The following NAV3 variants were observed in gnomAD, a reference collection of about 807,000 sequenced individuals.
NAV3 encodes neuron navigator 3, also known as pore membrane and/or filament interacting like protein 1.
Under a neutral mutation model 244.7 loss-of-function variants are expected in NAV3, and 87 were observed. That is an observed-to-expected ratio of 0.36 (90% CI 0.30 to 0.42). The LOEUF (loss-of-function observed/expected upper bound fraction) is 0.42, where lower values mean the gene tolerates loss of function less well. Ranked by LOEUF, NAV3 falls within the 20% of genes least tolerant of loss-of-function variation. The pLI is 1.00. For missense variants in NAV3, 2,663 were observed against 2,893.3 expected (o/e 0.92, Z 1.83); for synonymous variants, 1,126 against 1,042.2 (o/e 1.08, Z -1.55).
intron 1 of NAV3, among the ~76,000 whole-genome samples, chr12:77,873,014 T>A (rs1731709): frequency 0.15 from 22,617 of 152,226 alleles, 1,863 homozygotes; most frequent in African/African-American, 0.22. Flanking sequence ...GATTTTCCCA[T>A]GCTATTCTCA....
Position 77,824,241 on chromosome 12 carries a change from A to T in NAV3, c.73-116078A>T, listed in dbSNP as rs968653659. ...GGCGCATGCCACCACGCCCAACTAA[A>T]TTTTTTTTTTTTTTTTTTTTTTTGT... On this transcript the variant is annotated intron_variant, in intron 2 of 8. Coordinates refer to the NAV3 transcript ENST00000550042. Among the ~76,000 whole-genome samples, 125 of 104,926 alleles carry T rather than the reference A, an allele frequency of 1.2e-3. 1 individual carries two copies. The highest frequency in any genetic ancestry group is 4.6e-3 in the African/African-American group (120 of 26,178). The allele number at this position is 104,926 out of a possible 152,430, so 68.8% of individuals were successfully genotyped here.
intron 3 of NAV3, among the ~76,000 whole-genome samples, chr12:77,958,915 T>C (rs761813188): frequency 5.9e-5 from 9 of 152,188 alleles, no homozygotes; most frequent in Non-Finnish European, 1.3e-4. Flanking sequence ...GACTGTTACC[T>C]GAGCCAAATG....
At chr12:78,000,050 T>G (rs987349025) in intron 7 of NAV3, among the ~76,000 whole-genome samples, 1 of 152,252 alleles carries the variant, frequency 6.6e-6, no homozygotes, top group Admixed American at 6.5e-5. Flanking sequence ...ATATCTTAAT[T>G]TATCTGAATT....
chr12:78,007,833 G>A (rs567208831), intron 8 of NAV3, among the ~76,000 whole-genome samples: 1 of 152,096 alleles, frequency 6.6e-6, no homozygotes, highest in Non-Finnish European at 1.5e-5. Context: ...GGTTATTTTT[G>A]TTGTCATCTT....
intron 2 of NAV3, among the ~76,000 whole-genome samples, chr12:77,810,458 A>G (rs1438185202): frequency 6.6e-6 from 1 of 152,246 alleles, no homozygotes; most frequent in East Asian, 1.9e-4. Flanking sequence ...GTCGTGAGCC[A>G]CAGCGCCTGA....
chr12:77,986,946 C>G (rs1870621099), intron 5 of NAV3, among the ~76,000 whole-genome samples: 1 of 152,078 alleles, frequency 6.6e-6, no homozygotes, highest in Admixed American at 6.5e-5. Context: ...TTATGTTCCA[C>G]ATTTATTAGC....
rs569185614 is a variant in NAV3, at chr12:77,888,799, T to C, written c.244-51520T>C. Among the ~76,000 whole-genome samples, 62 of 152,282 alleles carry C rather than the reference T, an allele frequency of 4.1e-4. 1 individual carries two copies. The South Asian group carries it at 5.6e-3, about 14-fold the overall frequency. ...AATGTTCTAAGTCTTCAAATGTTTT[T>C]ATCTTTGTTTTCTCAGAGAGGTGAG... On this transcript the variant is annotated intron_variant, in intron 1 of 39. Coordinates refer to ENST00000397909, the MANE Select transcript of NAV3 (RefSeq NM_001024383.2).
chr12:77,576,934 C>G (rs1869114275), intron 2 of NAV3, among the ~76,000 whole-genome samples: 1 of 152,008 alleles, frequency 6.6e-6, no homozygotes, highest in South Asian at 2.1e-4. Context: ...TCTGAAACAA[C>G]ATCGTATCAT....
intron 2 of NAV3, among the ~76,000 whole-genome samples, chr12:77,627,945 A>T (rs1871710786): frequency 1.3e-5 from 2 of 152,198 alleles, no homozygotes; most frequent in African/African-American, 4.8e-5. Flanking sequence ...GTTCTCACTC[A>T]TATGAAGGAG....
At chr12:78,192,574 T>A (rs946375620) in intron 34 of NAV3, among the ~76,000 whole-genome samples, 36 of 151,586 alleles carry the variant, frequency 2.4e-4, no homozygotes, top group African/African-American at 8.7e-4. Context: ...CCCAGCTAAT[T>A]TTTTTAATTT....
rs1358199559 is a variant in NAV3 at position 78,146,032 on chromosome 12, A to C, written c.4684-337A>C. 7.9e-5 allele frequency among the ~76,000 whole-genome samples: 12 copies of C among 152,030 alleles called. No homozygotes were observed. The East Asian group carries it at 1.7e-3, about 22-fold the overall frequency. On this transcript the variant is annotated intron_variant, in intron 20 of 39. Coordinates refer to ENST00000397909, the MANE Select transcript of NAV3 (RefSeq NM_001024383.2). ...CAATATTTTAAGTTTACATGCACCC[A>C]TCTTTTTTAGAGTATAATTTTATAA... is the stretch of plus-strand genomic sequence containing the variant.
chr12:78,035,918 T>C (rs897819177), intron 9 of NAV3, among the ~76,000 whole-genome samples: 2 of 152,186 alleles, frequency 1.3e-5, no homozygotes, highest in African/African-American at 4.8e-5. Flanking sequence ...TGAATTTGAT[T>C]TGTGCTTTTA....
At chr12:77,873,525 A>G (rs1175013614) in intron 1 of NAV3, among the ~76,000 whole-genome samples, 2 of 151,466 alleles carry the variant, frequency 1.3e-5, no homozygotes, top group Non-Finnish European at 2.9e-5. Flanking sequence ...CATTTCTAAT[A>G]TTTAGCATTT....
rs540245654 is a variant in NAV3, at chr12:77,682,710, G to A, written c.72+110444G>A. The stretch of plus-strand genomic sequence containing the variant: ...TAATAGTCATTCTAATAGTAGTGAA[G>A]TGATACTTCACTGTGGTTTAGATTT... On this transcript the variant is annotated intron_variant, in intron 2 of 8. Transcript: ENST00000550042. Among the ~76,000 whole-genome samples the A allele has an allele frequency of 2.0e-5, 3 of 152,204 alleles. No individual in the cohort carries two copies. In the South Asian group the frequency reaches 6.2e-4, roughly 32 times the overall value.
At chr12:77,944,064 A>G (rs1369921639) in intron 3 of NAV3, among the ~76,000 whole-genome samples, 3 of 152,190 alleles carry the variant, frequency 2.0e-5, no homozygotes, top group South Asian at 4.1e-4. Context: ...GCAAATGTTT[A>G]GATAAATAAC....
chr12:77,955,631 A>G lies in NAV3; in HGVS notation c.415-10598A>G, dbSNP rs561419927. 1.8e-4 allele frequency among the ~76,000 whole-genome samples: 28 copies of G among 152,150 alleles called. No individual in the cohort carries two copies. In the South Asian group the frequency reaches 5.2e-3, roughly 28 times the overall value. ...ACACCTATAATCCCAGCACTTTGAG[A>G]GGCCAAGCATGGTAGATCACTTGAG... On this transcript the variant is annotated intron_variant, in intron 3 of 39. Transcript: ENST00000397909.
At chr12:77,923,199 A>G (rs986769701) in intron 1 of NAV3, among the ~76,000 whole-genome samples, 1 of 152,144 alleles carries the variant, frequency 6.6e-6, no homozygotes, top group Non-Finnish European at 1.5e-5. Context: ...GGAATGTCAT[A>G]GTGGTATGTG....
intron 2 of NAV3, among the ~76,000 whole-genome samples, chr12:77,750,603 G>T (rs1211014885): frequency 1.3e-5 from 2 of 151,952 alleles, no homozygotes; most frequent in Non-Finnish European, 2.9e-5. Flanking sequence ...GTACAGAGCT[G>T]GGAGGGATAT....
At chr12:77,815,443 C>T (rs1327166699) in intron 2 of NAV3, among the ~76,000 whole-genome samples, 1 of 152,134 alleles carries the variant, frequency 6.6e-6, no homozygotes, top group African/African-American at 2.4e-5. Context: ...TATAGATTTT[C>T]AGGAGCACAC....
Sources: allele counts gnomAD v4.1 joint callset (sites outside exome capture counted in the v4.1 genomes callset), GRCh38; gene constraint gnomAD v4.1.1; transcripts MANE v1.5; gene names NCBI Gene and HGNC (gene_info 2026-07-23, HGNC 2026-07-21).